KCNK3: variants seen among roughly 807,000 people sequenced by gnomAD.
KCNK3 encodes potassium two pore domain channel subfamily K member 3.
KCNK3 carries 9 observed loss-of-function variants against 27.3 expected under a neutral mutation model. That is an observed-to-expected ratio of 0.33 (90% confidence interval 0.20 to 0.57). KCNK3 has a LOEUF of 0.57. KCNK3 is among the 20% of genes least tolerant of loss of function. KCNK3 has a pLI of 0.87. For missense variants in KCNK3, 391 were observed against 577.7 expected (o/e 0.68, Z 3.31); for synonymous variants, 278 against 273.8 (o/e 1.02, Z -0.15).
chr2:26,717,800 C>T (rs527621642), intron 1 of KCNK3, among the ~76,000 whole-genome samples: 5 of 152,216 alleles, frequency 3.3e-5, no homozygotes, highest in Non-Finnish European at 5.9e-5. Flanking sequence ...TTAGCCCTCA[C>T]GCTCTGCTTA....
intron 1 of KCNK3, among the ~76,000 whole-genome samples, chr2:26,713,605 C>A (rs753956742): frequency 7.2e-5 from 11 of 151,842 alleles, no homozygotes; most frequent in Non-Finnish European, 1.3e-4. Context: ...CATGGTGAAA[C>A]CCCATCTCTA....
intron 1 of KCNK3, among the ~76,000 whole-genome samples, chr2:26,722,853 A>T (rs1379394504): frequency 1.3e-5 from 2 of 152,252 alleles, no homozygotes; most frequent in African/African-American, 4.8e-5. Context: ...GGGTGAGTGA[A>T]CAGAGAAAAT....
At chr2:26,725,599 G>T (rs757533159) in intron 1 of KCNK3, among the ~76,000 whole-genome samples, 3 of 152,156 alleles carry the variant, frequency 2.0e-5, no homozygotes, top group Non-Finnish European at 4.4e-5. Flanking sequence ...GTGAGTTGTG[G>T]TCTGGCTGCC....
chr2:26,699,970 C>T (rs990786695), intron 1 of KCNK3, among the ~76,000 whole-genome samples: 2 of 152,208 alleles, frequency 1.3e-5, no homozygotes, highest in Non-Finnish European at 2.9e-5. Flanking sequence ...GGAGCCTCTG[C>T]GACTCCTTCC....
At chr2:26,726,104 C>CAGAGAGAG (rs1196440174) in intron 1 of KCNK3, among the ~76,000 whole-genome samples, 4 of 80,480 alleles carry the variant, frequency 5.0e-5, no homozygotes, top group Non-Finnish European at 8.6e-5. Flanking sequence ...CACACACACA[C>CAGAGAGAG]ACAGAGAGAG....
chr2:26,706,066 G>C (rs961655928), intron 1 of KCNK3, among the ~76,000 whole-genome samples: 2 of 152,194 alleles, frequency 1.3e-5, no homozygotes, highest in African/African-American at 4.8e-5. Context: ...GCCTGGATCT[G>C]GGATGATGGA....
rs150300013 is a variant in KCNK3, at chr2:26,727,881, G to C, written c.498G>C (p.Ser166=). 1 of 1,614,162 alleles carries C rather than the reference G, an allele frequency of 6.2e-7. No individual in the cohort carries two copies. Among genetic ancestry groups the C allele is most frequent in the Non-Finnish European group, 8.5e-7 (1 of 1,180,010 alleles). The part of the protein sequence containing the change: ...MANMVLIGFF[S]CISTLCIGAA... ...ACATGGTGCTCATCGGCTTCTTCTC[G>C]TGCATCAGCACGCTGTGCATCGGCG... The change falls in exon 2 of 2, where the codon TCG becomes TCC. Residue 166 remains serine, a synonymous_variant. Transcript: ENST00000302909.
intron 1 of KCNK3, chr2:26,724,568 CTTA>C (rs1177492132): frequency 1.0e-6 from 1 of 982,592 alleles, no homozygotes; most frequent in Admixed American, 6.1e-5. Flanking sequence ...AGGGTAAGAA[CTTA>C]TTATTCTTAA....
At chr2:26,715,656 C>T (rs1032692997) in intron 1 of KCNK3, among the ~76,000 whole-genome samples, 5 of 152,212 alleles carry the variant, frequency 3.3e-5, no homozygotes, top group African/African-American at 1.2e-4. Context: ...GTGGCCATCT[C>T]CTCCCTGACT....
chr2:26,706,297 C>G (rs75609847), intron 1 of KCNK3, among the ~76,000 whole-genome samples: 30 of 152,258 alleles, frequency 2.0e-4, no homozygotes, highest in African/African-American at 5.8e-4. Flanking sequence ...TCCCCTCCCC[C>G]CCAGAGGAGG....
intron 1 of KCNK3, among the ~76,000 whole-genome samples, chr2:26,715,691 G>T (rs912241667): frequency 6.6e-6 from 1 of 152,194 alleles, no homozygotes; most frequent in Non-Finnish European, 1.5e-5. Context: ...GGGCCGGGAG[G>T]GTGTAGGGGC....
intron 1 of KCNK3, among the ~76,000 whole-genome samples, chr2:26,715,273 C>T (rs921179884): frequency 3.9e-5 from 6 of 152,180 alleles, no homozygotes; most frequent in South Asian, 2.1e-4. Flanking sequence ...TAAACGAATG[C>T]GCAGAAAGCA....
At chr2:26,709,166 A>T (rs1663053654) in intron 1 of KCNK3, among the ~76,000 whole-genome samples, 1 of 152,210 alleles carries the variant, frequency 6.6e-6, no homozygotes, top group Admixed American at 6.5e-5. Context: ...TCTGTTTCGG[A>T]TACCCAGCCT....
chr2:26,711,729 T>C (rs1033920343), intron 1 of KCNK3, among the ~76,000 whole-genome samples: 3 of 152,262 alleles, frequency 2.0e-5, no homozygotes, highest in African/African-American at 7.2e-5. Context: ...GAGCAGTGCC[T>C]GGCACGTAGT....
chr2:26,719,982 G>A (rs1663298655), intron 1 of KCNK3, among the ~76,000 whole-genome samples: 1 of 152,200 alleles, frequency 6.6e-6, no homozygotes, highest in Non-Finnish European at 1.5e-5. Flanking sequence ...TGAGTGGGGG[G>A]AAGGGCACCG....
chr2:26,728,547 G>A lies in KCNK3; in HGVS notation c.1164G>A (p.Met388Ile). ...LHSLSTFRGL[M>I]KRRSSV ...GCCTGTCCACCTTCCGCGGCCTCATGAAGCGCAGGAGCTCCGTGTGACTGC... is the reference window on the plus strand; with the variant it reads ...GCCTGTCCACCTTCCGCGGCCTCATAAAGCGCAGGAGCTCCGTGTGACTGC... The change falls in exon 2 of 2, where the codon ATG (methionine) becomes ATA (isoleucine). Residue 388 changes from methionine (M) to isoleucine (I), a missense_variant. Met to Ile is a conservative substitution (Grantham distance 10, BLOSUM62 1). This residue lies in a region of KCNK3 where 192 missense variants were observed against 196.0 expected (regional missense o/e 0.98). Coordinates refer to ENST00000302909, the MANE Select transcript of KCNK3 (RefSeq NM_002246.3). 6.8e-7 allele frequency: 1 copy of A among 1,463,434 alleles called. No homozygotes were observed. Among genetic ancestry groups the A allele is most frequent in the Non-Finnish European group, 9.0e-7 (1 of 1,107,014 alleles). The allele number at this position is 1,463,434 out of a possible 1,614,324, so 90.7% of individuals were successfully genotyped here.
chr2:26,696,417 T>C (rs1041809711), intron 1 of KCNK3, among the ~76,000 whole-genome samples: 17 of 152,186 alleles, frequency 1.1e-4, no homozygotes, highest in Non-Finnish European at 2.5e-4. Flanking sequence ...TTTGACTCCA[T>C]ATGCTATGAA....
chr2:26,728,464 T>A lies in KCNK3; in HGVS notation c.1081T>A (p.Cys361Ser). 6.4e-7 allele frequency: 1 copy of A among 1,570,504 alleles called. No individual in the cohort carries two copies. The highest frequency in any genetic ancestry group is 8.7e-7 in the Non-Finnish European group (1 of 1,155,178). The change falls in exon 2 of 2, where the codon TGC becomes AGC. Residue 361 changes from cysteine (C) to serine (S), a missense_variant. Physicochemically the swap from Cys to Ser is moderately radical, Grantham distance 112. Around this residue, in one of 4 missense-constraint regions of KCNK3, gnomAD observed 192 missense variants for 196.0 expected, o/e 0.98. Transcript: ENST00000302909. ...GRYSDTPSRR[C>S]LCSGAPRSAI... ...CTACAGCGACACGCCCTCGCGACGC[T>A]GCCTGTGCAGCGGGGCGCCACGCTC...
At chr2:26,694,344 T>TCCC (rs1420965786) in intron 1 of KCNK3, among the ~76,000 whole-genome samples, 2 of 152,156 alleles carry the variant, frequency 1.3e-5, no homozygotes, top group African/African-American at 4.8e-5. Context: ...CTCTCCCTAG[T>TCCC]CCCCTTCCCT....
Sources: allele counts gnomAD v4.1 joint callset (sites outside exome capture counted in the v4.1 genomes callset), GRCh38; gene constraint gnomAD v4.1.1; regional missense constraint gnomAD v4.1.1; transcripts MANE v1.5; gene names NCBI Gene and HGNC (gene_info 2026-07-23, HGNC 2026-07-21).